Variants in PIK3CB observed in about 807,000 individuals in gnomAD.
The protein encoded by PIK3CB is phosphatidylinositol-4,5-bisphosphate 3-kinase catalytic subunit beta, also known as phosphatidylinositol 4,5-bisphosphate 3-kinase catalytic subunit beta isoform.
Under a neutral mutation model 136.8 loss-of-function variants are expected in PIK3CB, and 39 were observed. The observed-to-expected ratio is 0.29, with a 90% CI of 0.22 to 0.37. The LOEUF is 0.37. Ranked by LOEUF, PIK3CB falls within the 10% of genes least tolerant of loss-of-function variation. The pLI is 1.00. For synonymous variants in PIK3CB, 428 were observed against 436.6 expected, an observed-to-expected ratio of 0.98 and a Z score of 0.25; for missense variants, 868 against 1,275.4, an observed-to-expected ratio of 0.68 and a Z score of 4.87.
chr3:138,787,264 G>T (rs1433798177), intron 2 of PIK3CB, among the ~76,000 whole-genome samples: 1 of 151,666 alleles, frequency 6.6e-6, no homozygotes, highest in Non-Finnish European at 1.5e-5. Context: ...TACTCAGGAG[G>T]CTGAGGCAGG....
intron 4 of PIK3CB, among the ~76,000 whole-genome samples, chr3:138,743,249 T>A (rs1389642941): frequency 1.3e-5 from 2 of 152,188 alleles, no homozygotes; most frequent in African/African-American, 4.8e-5. Flanking sequence ...ACTATGGGAA[T>A]GGCTACAATA....
chr3:138,755,462 T>G (rs79128280), intron 4 of PIK3CB, among the ~76,000 whole-genome samples: 1 of 152,188 alleles, frequency 6.6e-6, no homozygotes, highest in Non-Finnish European at 1.5e-5. Flanking sequence ...GACAACACAG[T>G]GAGACCCTGT....
chr3:138,660,717 AAAGAT>A (rs1490561730), intron 21 of PIK3CB, among the ~76,000 whole-genome samples: 1 of 152,240 alleles, frequency 6.6e-6, no homozygotes, highest in Non-Finnish European at 1.5e-5. Context: ...CATCACAAAA[AAAGAT>A]AAGTATGTGA....
rs1193097653 is a variant in PIK3CB, at chr3:138,755,746, TAA to T, written c.397+6_397+7del. On this transcript the variant is annotated splice_donor_region_variant and intron_variant, in intron 4 of 23. Transcript: ENST00000674063. ...GAATTTGTACTTTTTTTTTATTTTT[TAA>T]TTTACCTTTTCCTATAAGGACTCCA... 1 of 1,346,776 alleles carries T rather than the reference TAA, an allele frequency of 7.4e-7. No individual in the cohort carries two copies. The highest frequency in any genetic ancestry group is 1.0e-6 in the Non-Finnish European group (1 of 952,382). 83.4% of individuals were successfully genotyped at this position (1,346,776 alleles called of 1,614,324 possible). A position where few individuals can be genotyped will look rare whatever the true frequency, so the allele number is the denominator to read the frequency against.
Position 138,690,723 on chromosome 3 carries a change from C to A in PIK3CB, c.2036+277G>T, listed in dbSNP as rs373100208. ...AAATCAAGCAGGTAGAAAACACACA[C>A]AAAAAAAAAAAAAAGAAAGGAAGGA... On this transcript the variant is annotated intron_variant, in intron 15 of 23. Transcript: ENST00000674063. Among the ~76,000 whole-genome samples the A allele has an allele frequency of 6.6e-3, 555 of 83,856 alleles. 2 individuals are homozygous for A. The highest frequency in any genetic ancestry group is 0.014 in the African/African-American group (328 of 23,768). 55.0% of individuals were successfully genotyped at this position (83,856 alleles called of 152,430 possible).
At chr3:138,828,954 A>ATTTT (rs34176247) in intron 1 of PIK3CB, among the ~76,000 whole-genome samples, 26 of 130,830 alleles carry the variant, frequency 2.0e-4, no homozygotes, top group African/African-American at 7.2e-4. Flanking sequence ...CACCAGGCTA[A>ATTTT]TTTTTTTTTT....
chr3:138,820,703 A>G (rs1029574130), intron 1 of PIK3CB, among the ~76,000 whole-genome samples: 1 of 152,102 alleles, frequency 6.6e-6, no homozygotes, highest in African/African-American at 2.4e-5. Flanking sequence ...CATGTTGGCC[A>G]GGCTAGTCTA....
rs571239851 is a variant in PIK3CB at position 138,711,370 on chromosome 3, G to A, written c.1399+838C>T. Among the ~76,000 whole-genome samples, 23 of 151,766 alleles carry A rather than the reference G, an allele frequency of 1.5e-4. No homozygotes were observed. The East Asian group carries it at 3.3e-3, about 22-fold the overall frequency. On this transcript the variant is annotated intron_variant, in intron 10 of 23. Transcript: ENST00000674063. ...CGAGGTGGGCGGATCACCTGAGGTC[G>A]GGAGTTCCAGACCAGCCTGACCAAC...
intron 1 of PIK3CB, among the ~76,000 whole-genome samples, chr3:138,804,008 TAAGAA>T (rs2046204012): frequency 6.6e-6 from 1 of 152,038 alleles, no homozygotes; most frequent in East Asian, 1.9e-4. Flanking sequence ...ATATTCTAGA[TAAGAA>T]AATAGGTATA....
chr3:138,726,886 CAA>C (rs35003110), intron 8 of PIK3CB, among the ~76,000 whole-genome samples: 273 of 139,306 alleles, frequency 2.0e-3, no homozygotes, highest in African/African-American at 2.9e-3. Flanking sequence ...TATAAAAAGT[CAA>C]AAAAAAAAAA....
chr3:138,658,358 G>A (rs2043227391), intron 21 of PIK3CB, among the ~76,000 whole-genome samples: 2 of 151,970 alleles, frequency 1.3e-5, no homozygotes, highest in South Asian at 4.2e-4. Flanking sequence ...GGTGAGGTGG[G>A]GGAATTGCTT....
At chr3:138,784,574 C>T (rs935925368) in intron 2 of PIK3CB, among the ~76,000 whole-genome samples, 8 of 152,276 alleles carry the variant, frequency 5.3e-5, no homozygotes, top group Admixed American at 1.3e-4. Flanking sequence ...GGATTGCAGG[C>T]GCGCGCCGCC....
At chr3:138,745,146 A>T (rs1304515020) in intron 4 of PIK3CB, among the ~76,000 whole-genome samples, 2 of 152,186 alleles carry the variant, frequency 1.3e-5, no homozygotes, top group African/African-American at 4.8e-5. Context: ...ATGATGTTCT[A>T]TCCAGGTTCT....
At chr3:138,746,250 T>A (rs950564256) in intron 4 of PIK3CB, among the ~76,000 whole-genome samples, 1 of 152,096 alleles carries the variant, frequency 6.6e-6, no homozygotes, top group African/African-American at 2.4e-5. Context: ...TTCAGGCAGG[T>A]ATCTATTCTC....
chr3:138,732,752 G>A (rs1244323574), intron 8 of PIK3CB, among the ~76,000 whole-genome samples: 1 of 151,380 alleles, frequency 6.6e-6, no homozygotes, highest in African/African-American at 2.4e-5. Context: ...TGAAAGAGGG[G>A]TTCAGTGCAG....
chr3:138,691,220 A>G, intron 14 of PIK3CB, 77 bp from the exon 15 acceptor site: 3 of 1,341,242 alleles, frequency 2.2e-6, no homozygotes, highest in Admixed American at 1.9e-5. Context: ...AAACTATCAA[A>G]TGTGAACTTG....
intron 1 of PIK3CB, among the ~76,000 whole-genome samples, chr3:138,828,343 G>A (rs1194731942): frequency 4.0e-5 from 6 of 150,766 alleles, no homozygotes; most frequent in African/African-American, 1.2e-4. Flanking sequence ...CCGCCACCAC[G>A]CCCGGCTAAT....
intron 8 of PIK3CB, among the ~76,000 whole-genome samples, chr3:138,725,767 T>C (rs940923695): frequency 5.3e-5 from 8 of 152,238 alleles, no homozygotes; most frequent in Admixed American, 3.3e-4. Flanking sequence ...TTAGTTGTTA[T>C]AGCATTTTCA....
intron 1 of PIK3CB, among the ~76,000 whole-genome samples, 190 bp downstream of exon 1, chr3:138,834,505 G>A (rs1009413994): frequency 6.6e-6 from 1 of 152,154 alleles, no homozygotes; most frequent in African/African-American, 2.4e-5. Context: ...CAAGCCAGAC[G>A]CCCCCACCGG....
Sources: gnomAD v4.1 joint callset for allele counts (sites outside exome capture counted in the v4.1 genomes callset) on GRCh38, gnomAD v4.1.1 for gene constraint, MANE v1.5 for transcripts, NCBI Gene and HGNC (gene_info 2026-07-23, HGNC 2026-07-21) for gene names.